The following BMP7 variants were observed in gnomAD, a reference collection of about 807,000 sequenced individuals.
BMP7 encodes bone morphogenetic protein 7.
Under a neutral mutation model 41.2 loss-of-function variants are expected in BMP7, and 12 were observed. The observed-to-expected ratio is 0.29, with a 90% CI of 0.19 to 0.47. BMP7 has a LOEUF of 0.47. Among genes scored for constraint, BMP7 ranks in the 20% least tolerant of loss-of-function variants. The probability of loss-of-function intolerance (pLI) is 0.99; values close to 1 mark genes in which losing one functional copy is unlikely to be tolerated. For missense variants in BMP7, 467 were observed against 606.0 expected, an observed-to-expected ratio of 0.77 and a Z score of 2.41; for synonymous variants, 248 against 250.0, an observed-to-expected ratio of 0.99 and a Z score of 0.07.
intron 1 of BMP7, among the ~76,000 whole-genome samples, chr20:57,245,372 G>A (rs905706153): frequency 6.6e-6 from 1 of 151,972 alleles, no homozygotes; most frequent in Non-Finnish European, 1.5e-5. Flanking sequence ...TAGAGATAGG[G>A]TCTCACTCTG....
At chr20:57,235,690 A>T (rs2066044960) in intron 1 of BMP7, among the ~76,000 whole-genome samples, 1 of 152,218 alleles carries the variant, frequency 6.6e-6, no homozygotes, top group South Asian at 2.1e-4. Context: ...CTCGACAGAC[A>T]AGAAACAGGG....
At chr20:57,203,996 C>A (rs967302147) in intron 2 of BMP7, among the ~76,000 whole-genome samples, 3 of 152,178 alleles carry the variant, frequency 2.0e-5, no homozygotes, top group African/African-American at 7.2e-5. Flanking sequence ...ATTCCCCATG[C>A]CATTGTGCAG....
At chr20:57,265,373 G>A (rs924675386) in intron 1 of BMP7, among the ~76,000 whole-genome samples, 2 of 152,382 alleles carry the variant, frequency 1.3e-5, no homozygotes, top group South Asian at 2.1e-4. Flanking sequence ...GAGCCGCGCC[G>A]GCCCGGGACA....
At chr20:57,247,388 A>C (rs979164722) in intron 1 of BMP7, among the ~76,000 whole-genome samples, 4 of 152,242 alleles carry the variant, frequency 2.6e-5, no homozygotes, top group African/African-American at 9.6e-5. Flanking sequence ...GGTTCCAAGC[A>C]ACATGTCTTC....
intron 1 of BMP7, among the ~76,000 whole-genome samples, chr20:57,247,747 T>C (rs2066096015): frequency 6.6e-6 from 1 of 152,150 alleles, no homozygotes. Flanking sequence ...TTAAAATGCT[T>C]TGAGTCTCTT....
At chr20:57,263,749 A>C (rs1428001657) in intron 1 of BMP7, among the ~76,000 whole-genome samples, 1 of 152,136 alleles carries the variant, frequency 6.6e-6, no homozygotes, top group Non-Finnish European at 1.5e-5. Context: ...TTCATTATTT[A>C]TATGTATGTA....
chr20:57,234,665 T>A (rs943659010), intron 1 of BMP7, among the ~76,000 whole-genome samples: 1 of 152,204 alleles, frequency 6.6e-6, no homozygotes, highest in African/African-American at 2.4e-5. Flanking sequence ...GTAGCTGTGT[T>A]CTCTCCAGAT....
chr20:57,246,807 G>A (rs1038958595), intron 1 of BMP7, among the ~76,000 whole-genome samples: 4 of 152,232 alleles, frequency 2.6e-5, no homozygotes, highest in South Asian at 2.1e-4. Context: ...TGGTCAACAC[G>A]GTGAAACTCC....
At chr20:57,238,279 C>G in intron 1 of BMP7, among the ~76,000 whole-genome samples, 1 of 152,188 alleles carries the variant, frequency 6.6e-6, no homozygotes, top group East Asian at 1.9e-4. Context: ...CGTGCTGTAG[C>G]CTGTCAGAAT....
intron 1 of BMP7, among the ~76,000 whole-genome samples, chr20:57,257,961 T>G (rs1400230000): frequency 2.0e-5 from 3 of 152,034 alleles, no homozygotes; most frequent in African/African-American, 7.2e-5. Flanking sequence ...CCAAGCTACA[T>G]GAAAGCAGAA....
At chr20:57,229,722 C>G (rs1364349312) in intron 1 of BMP7, among the ~76,000 whole-genome samples, 2 of 152,188 alleles carry the variant, frequency 1.3e-5, no homozygotes, top group Admixed American at 6.5e-5. Flanking sequence ...GTTTGGCCAG[C>G]AGATTGGTCA....
At chr20:57,239,645 A>G (rs2123128060) in intron 1 of BMP7, among the ~76,000 whole-genome samples, 1 of 152,276 alleles carries the variant, frequency 6.6e-6, no homozygotes, top group Non-Finnish European at 1.5e-5. Flanking sequence ...TCCATGAGGG[A>G]CCCACTCCTG....
At chr20:57,209,777 C>T (rs1430081000) in intron 2 of BMP7, among the ~76,000 whole-genome samples, 1 of 152,312 alleles carries the variant, frequency 6.6e-6, no homozygotes, top group African/African-American at 2.4e-5. Context: ...GTGGTAGCAA[C>T]AATTCACTGT....
intron 4 of BMP7, among the ~76,000 whole-genome samples, chr20:57,176,377 G>A (rs778439177): frequency 6.6e-6 from 1 of 152,194 alleles, no homozygotes; most frequent in Non-Finnish European, 1.5e-5. Context: ...ACTGGTTGAA[G>A]CGCATTTGAC....
chr20:57,217,948 C>T (rs955771557), intron 2 of BMP7, among the ~76,000 whole-genome samples: 9 of 152,112 alleles, frequency 5.9e-5, no homozygotes, highest in Admixed American at 3.9e-4. Flanking sequence ...CACGTGTTTA[C>T]GTGTACAGGA....
chr20:57,230,913 G>C (rs939986262), intron 1 of BMP7, among the ~76,000 whole-genome samples: 3 of 151,842 alleles, frequency 2.0e-5, no homozygotes, highest in African/African-American at 4.8e-5. Context: ...TCCTGACCTC[G>C]TGATCCACCT....
chr20:57,222,244 G>A (rs1257114099), intron 2 of BMP7, among the ~76,000 whole-genome samples: 1 of 152,172 alleles, frequency 6.6e-6, no homozygotes, highest in East Asian at 1.9e-4. Context: ...TATGCTCCCT[G>A]TGAAGCCAGG....
rs376270561 is a variant in BMP7, at chr20:57,220,580, C to T, written c.611+7649G>A. Among the ~76,000 whole-genome samples, 15 of 152,306 alleles carry T rather than the reference C, an allele frequency of 9.8e-5. No individual in the cohort carries two copies. In the East Asian group the frequency reaches 2.1e-3, roughly 22 times the overall value. ...CAAGTTATCCAGAGAGCTGCCTCCACGAAAGCCCATTCTTCCCAAATGCAT... is the reference window on the plus strand; with the variant it reads ...CAAGTTATCCAGAGAGCTGCCTCCATGAAAGCCCATTCTTCCCAAATGCAT... On this transcript the variant is annotated intron_variant, in intron 2 of 6. Coordinates refer to ENST00000395863, the MANE Select transcript of BMP7 (RefSeq NM_001719.3).
At chr20:57,226,824 C>CTT (rs36113686) in intron 2 of BMP7, among the ~76,000 whole-genome samples, 2,255 of 123,130 alleles carry the variant, frequency 0.018, 50 homozygotes, top group African/African-American at 0.021. Context: ...TACTCAAAAA[C>CTT]TTTTTTTTTT....
Sources: gnomAD v4.1 joint callset for allele counts (sites outside exome capture counted in the v4.1 genomes callset) on GRCh38, gnomAD v4.1.1 for gene constraint, MANE v1.5 for transcripts, NCBI Gene and HGNC (gene_info 2026-07-23, HGNC 2026-07-21) for gene names.